The following PPP1R13L variants were observed in gnomAD, a reference collection of about 807,000 sequenced individuals.
PPP1R13L encodes the protein relA-associated inhibitor.
Under a neutral mutation model 80.9 loss-of-function variants are expected in PPP1R13L, and 50 were observed. The observed-to-expected ratio is 0.62, with a 90% CI of 0.49 to 0.78. The LOEUF (loss-of-function observed/expected upper bound fraction) is 0.78. PPP1R13L is among the 30% of genes least tolerant of loss of function. The probability of loss-of-function intolerance (pLI) is 0.00; values close to 1 mark genes in which losing one functional copy is unlikely to be tolerated. For missense variants in PPP1R13L, 1,200 were observed against 1,205.9 expected (o/e 1.00, Z 0.07); for synonymous variants, 602 against 534.3 (o/e 1.13, Z -1.75).
At chr19:45,386,371 G>A (rs1972870364) in intron 8 of PPP1R13L, among the ~76,000 whole-genome samples, 191 bp from the exon 9 acceptor site, 1 of 152,140 alleles carries the variant, frequency 6.6e-6, no homozygotes, top group Non-Finnish European at 1.5e-5. Flanking sequence ...CCATAGACAG[G>A]GAATCCTGTG....
intron 7 of PPP1R13L, among the ~76,000 whole-genome samples, chr19:45,393,643 G>C (rs1254343442): frequency 6.6e-6 from 1 of 151,998 alleles, no homozygotes; most frequent in Non-Finnish European, 1.5e-5. Context: ...GGGAGGCCGA[G>C]GTGGGCAGAT....
At chr19:45,397,514 C>CTTTG (rs777096075) in intron 3 of PPP1R13L, among the ~76,000 whole-genome samples, 1 of 124,948 alleles carries the variant, frequency 8.0e-6, no homozygotes, top group Non-Finnish European at 1.6e-5. Flanking sequence ...TTCTTTCTTT[C>CTTTG]TTTTCTATCT....
In PPP1R13L at chr19:45,395,858, C is replaced by A. The variant is rs1973077830; in HGVS notation, c.932G>T (p.Arg311Leu). ...GGCCAGAGGAGAGACCTTGTAATTG[C>A]GCGGCAGGGTGGCGCTAGTGAGGTT... The part of the protein sequence containing the change: ...KDNLTSATLP[R>L]NYKVSPLASD... The change falls in exon 7 of 13, where the codon CGC (arginine) becomes CTC (leucine). Residue 311 changes from arginine to leucine, a missense_variant. By Grantham distance (102) the Arg-to-Leu change is moderately radical. Around this residue, in one of 5 missense-constraint regions of PPP1R13L, gnomAD observed 764 missense variants for 714.5 expected, o/e 1.07. Coordinates refer to ENST00000360957, the MANE Select transcript of PPP1R13L (RefSeq NM_006663.4). The A allele has an allele frequency of 1.3e-6, 2 of 1,595,872 alleles. No individual in the cohort carries two copies. Among genetic ancestry groups the A allele is most frequent in the Non-Finnish European group, 1.7e-6 (2 of 1,172,766 alleles).
chr19:45,405,401 C>G (rs1973317062), upstream of PPP1R13L, among the ~76,000 whole-genome samples: 1 of 152,172 alleles, frequency 6.6e-6, no homozygotes, highest in Non-Finnish European at 1.5e-5. Flanking sequence ...CCCCCAGGGT[C>G]TCTGAGCCCG....
chr19:45,386,278 T>C, intron 8 of PPP1R13L, 98 bp from the exon 9 acceptor site: 1 of 1,376,372 alleles, frequency 7.3e-7, no homozygotes, highest in Non-Finnish European at 9.4e-7. Context: ...GTGGCACCCA[T>C]CTAGACAGGG....
At chr19:45,399,152 C>T (rs868318294) in intron 1 of PPP1R13L, among the ~76,000 whole-genome samples, 31 of 149,646 alleles carry the variant, frequency 2.1e-4, no homozygotes, top group Middle Eastern at 3.5e-3. Context: ...ACCGTGTCAG[C>T]CAGGATGGTC....
chr19:45,382,996 C>CT (rs60366714), intron 11 of PPP1R13L, among the ~76,000 whole-genome samples: 12,652 of 126,138 alleles, frequency 0.1, 951 homozygotes, highest in South Asian at 0.17. Flanking sequence ...TCTTTTCTTT[C>CT]TTTTTTTTTT....
chr19:45,396,460 A>T lies in PPP1R13L; in HGVS notation c.713-24T>A, dbSNP rs1270457978. ...GTCTGGGGAGAAGTTTCCAGGGAGG[A>T]TGAGACGGGAGGGGTGGCGAGCCCC... On this transcript the variant is annotated intron_variant, in intron 4 of 12. Coordinates refer to ENST00000360957, the MANE Select transcript of PPP1R13L (RefSeq NM_006663.4). The surrounding 1 kb of genome is among the most constrained non-coding windows in gnomAD (Gnocchi z 5.3). 6.2e-7 allele frequency: 1 copy of T among 1,613,382 alleles called. No individual in the cohort carries two copies. The highest frequency in any genetic ancestry group is 2.2e-5 in the East Asian group (1 of 44,834).
intron 8 of PPP1R13L, among the ~76,000 whole-genome samples, chr19:45,391,557 A>C (rs1009851681): frequency 1.3e-5 from 2 of 152,174 alleles, no homozygotes; most frequent in South Asian, 4.1e-4. Context: ...TGATGTATGG[A>C]ACTCCCAGGT....
chr19:45,399,432 G>A (rs879655056), intron 1 of PPP1R13L, among the ~76,000 whole-genome samples: 5 of 147,440 alleles, frequency 3.4e-5, no homozygotes, highest in East Asian at 2.1e-4. Flanking sequence ...AGACCATCCT[G>A]GCTAACATGG....
intron 8 of PPP1R13L, among the ~76,000 whole-genome samples, chr19:45,390,928 T>C (rs1159798032): frequency 6.6e-6 from 1 of 151,856 alleles, no homozygotes; most frequent in African/African-American, 2.4e-5. Flanking sequence ...CCAGGAACAG[T>C]GGCTCATGCC....
At chr19:45,386,419 TG>T (rs1183100892) in intron 8 of PPP1R13L, among the ~76,000 whole-genome samples, 1 of 151,954 alleles carries the variant, frequency 6.6e-6, no homozygotes, top group South Asian at 2.1e-4. Flanking sequence ...GGGAGAAAGC[TG>T]GGGGGCCATG....
intron 8 of PPP1R13L, among the ~76,000 whole-genome samples, chr19:45,389,000 G>T (rs993257014): frequency 2.0e-5 from 3 of 152,066 alleles, no homozygotes; most frequent in African/African-American, 7.2e-5. Flanking sequence ...GGCCTCCCAA[G>T]GTGCTGGGAT....
At chr19:45,395,229 A>T (rs1027537759) in intron 7 of PPP1R13L, 118 of 641,092 alleles carry the variant, frequency 1.8e-4, no homozygotes, top group African/African-American at 7.8e-4. Flanking sequence ...GGAACCAGGC[A>T]GTCTGGCTTC....
intron 8 of PPP1R13L, among the ~76,000 whole-genome samples, chr19:45,390,419 A>G (rs1445547844): frequency 6.6e-6 from 1 of 152,144 alleles, no homozygotes; most frequent in Non-Finnish European, 1.5e-5. Flanking sequence ...AATAATATTA[A>G]TCCCTGACCA....
At position 45,396,158 on chromosome 19, in the gene PPP1R13L, G is replaced by T. The variant is rs1305726287; in HGVS notation, c.903+10C>A. 6 of 1,598,992 alleles carry T rather than the reference G, an allele frequency of 3.8e-6. No homozygotes were observed. Among genetic ancestry groups the T allele is most frequent in the African/African-American group, 1.3e-5 (1 of 74,584 alleles). ...CCCCAGCCTCTCCTCCCCAGGCGTCGCCTCCTCACCTTGCCGGTGCCCCCC... is the reference window on the plus strand; with the variant it reads ...CCCCAGCCTCTCCTCCCCAGGCGTCTCCTCCTCACCTTGCCGGTGCCCCCC... On this transcript the variant is annotated intron_variant, in intron 6 of 12. Transcript: ENST00000360957. The surrounding 1 kb of genome is among the most constrained non-coding windows in gnomAD (Gnocchi z 5.3).
chr19:45,396,456 G>A lies in PPP1R13L; in HGVS notation c.713-20C>T. 2 of 1,613,678 alleles carry A rather than the reference G, an allele frequency of 1.2e-6. No homozygotes were observed. The highest frequency in any genetic ancestry group is 1.7e-6 in the Non-Finnish European group (2 of 1,179,924). On this transcript the variant is annotated intron_variant, in intron 4 of 12. Coordinates refer to ENST00000360957, the MANE Select transcript of PPP1R13L (RefSeq NM_006663.4). This position sits in a 1 kb window ranked among gnomAD's most constrained non-coding sequence, Gnocchi z 5.3. ...GGTCGTCTGGGGAGAAGTTTCCAGGGAGGATGAGACGGGAGGGGTGGCGAG... is the reference window on the plus strand; with the variant it reads ...GGTCGTCTGGGGAGAAGTTTCCAGGAAGGATGAGACGGGAGGGGTGGCGAG...
intron 8 of PPP1R13L, among the ~76,000 whole-genome samples, 197 bp from the exon 9 acceptor site, chr19:45,386,377 C>G (rs1972870412): frequency 6.6e-6 from 1 of 152,088 alleles, no homozygotes; most frequent in African/African-American, 2.4e-5. Context: ...ACAGGGAATC[C>G]TGTGATTTGA....
chr19:45,392,799 A>G (rs1392915875), intron 7 of PPP1R13L: 1 of 258,302 alleles, frequency 3.9e-6, no homozygotes, highest in African/African-American at 2.3e-5. Context: ...CTCCAGCAGG[A>G]AGTAGAATCC....
Sources: gnomAD v4.1 joint callset for allele counts (sites outside exome capture counted in the v4.1 genomes callset) on GRCh38, gnomAD v4.1.1 for gene constraint, gnomAD v4.1.1 regional missense constraint, Gnocchi (gnomAD v3.1) non-coding constraint, MANE v1.5 for transcripts, NCBI Gene and HGNC (gene_info 2026-07-23, HGNC 2026-07-21) for gene names.